Variants in FSTL5 observed in about 807,000 individuals in gnomAD.
The protein encoded by FSTL5 is follistatin like 5.
A neutral mutation model predicts 89.1 loss-of-function variants in FSTL5; 62 were observed. That is an observed-to-expected ratio of 0.70 (90% CI 0.57 to 0.86). The LOEUF (loss-of-function observed/expected upper bound fraction) is 0.86. FSTL5 is among the 40% of genes least tolerant of loss of function. The probability of loss-of-function intolerance (pLI) is 0.00; values close to 1 mark genes in which losing one functional copy is unlikely to be tolerated. For synonymous variants in FSTL5, 383 were observed against 346.2 expected, an observed-to-expected ratio of 1.11 and a Z score of -1.18; for missense variants, 1,057 against 1,001.6, an observed-to-expected ratio of 1.06 and a Z score of -0.75.
intron 15 of FSTL5, among the ~76,000 whole-genome samples, chr4:161,436,012 T>C (rs1732547437): frequency 6.6e-6 from 1 of 152,212 alleles, no homozygotes; most frequent in African/African-American, 2.4e-5. Flanking sequence ...TCCTCACATT[T>C]CTTGCCTTGA....
At chr4:161,672,703 AATT>A (rs1306974274) in intron 6 of FSTL5, among the ~76,000 whole-genome samples, 3 of 146,708 alleles carry the variant, frequency 2.0e-5, no homozygotes, top group African/African-American at 8.0e-5. Context: ...TTATCTAAGA[AATT>A]AAAAAAAAAA....
chr4:161,451,746 G>A (rs1394832292), intron 15 of FSTL5, among the ~76,000 whole-genome samples: 1 of 152,194 alleles, frequency 6.6e-6, no homozygotes, highest in Non-Finnish European at 1.5e-5. Context: ...TGCTGATAAT[G>A]TGTTGGAGGC....
At chr4:161,499,274 T>G (rs1730212273) in intron 12 of FSTL5, among the ~76,000 whole-genome samples, 1 of 152,258 alleles carries the variant, frequency 6.6e-6, no homozygotes, top group East Asian at 1.9e-4. Context: ...AGTTATAACT[T>G]AACCAAAATG....
intron 8 of FSTL5, among the ~76,000 whole-genome samples, chr4:161,584,741 G>T (rs574443601): frequency 6.6e-6 from 1 of 152,236 alleles, no homozygotes; most frequent in South Asian, 2.1e-4. Flanking sequence ...GAAATCTAGT[G>T]CTTAAATTAT....
chr4:161,549,167 A>G (rs1011365801), intron 8 of FSTL5, among the ~76,000 whole-genome samples: 1 of 151,862 alleles, frequency 6.6e-6, no homozygotes, highest in Non-Finnish European at 1.5e-5. Context: ...TGATTGAGAC[A>G]AATGAAGATT....
intron 3 of FSTL5, among the ~76,000 whole-genome samples, chr4:162,016,943 G>T (rs1291019290): frequency 6.6e-6 from 1 of 152,154 alleles, no homozygotes; most frequent in Non-Finnish European, 1.5e-5. Context: ...ATTGAAACAG[G>T]ATTTGTAAAT....
intron 7 of FSTL5, among the ~76,000 whole-genome samples, chr4:161,636,709 CGT>C (rs1735729733): frequency 1.4e-5 from 2 of 145,956 alleles, no homozygotes; most frequent in East Asian, 4.1e-4. Context: ...GAGAATATGC[CGT>C]GTTTGGTTTT....
chr4:162,015,718 A>G (rs972271101), intron 3 of FSTL5, among the ~76,000 whole-genome samples: 1 of 152,202 alleles, frequency 6.6e-6, no homozygotes, highest in Non-Finnish European at 1.5e-5. Context: ...CCAGGTTGGT[A>G]AAGCACTGCC....
intron 7 of FSTL5, among the ~76,000 whole-genome samples, chr4:161,640,403 T>A (rs1735911039): frequency 1.3e-5 from 2 of 152,166 alleles, no homozygotes; most frequent in South Asian, 4.1e-4. Context: ...CTCAAAGAAC[T>A]AAGGAAGATG....
intron 4 of FSTL5, among the ~76,000 whole-genome samples, chr4:161,818,770 T>C (rs947548636): frequency 1.3e-5 from 2 of 152,210 alleles, no homozygotes; most frequent in Non-Finnish European, 2.9e-5. Flanking sequence ...GAAACTTCCA[T>C]ACTGAAAAAA....
At position 161,567,204 on chromosome 4, in the gene FSTL5, A is replaced by G. The variant is rs746313131; in HGVS notation, c.1015+20251T>C. ...TGGAAGAAATAATCATAAATTACAC[A>G]CAATAAAGATCTGAGAAAGCATCTA... On this transcript the variant is annotated intron_variant, in intron 8 of 15. Transcript: ENST00000306100. Among the ~76,000 whole-genome samples, 95 of 152,142 alleles carry G rather than the reference A, an allele frequency of 6.2e-4. 1 individual carries two copies. Among genetic ancestry groups the G allele is most frequent in the Admixed American group, 9.2e-4 (14 of 15,242 alleles).
intron 3 of FSTL5, among the ~76,000 whole-genome samples, chr4:161,992,886 ATATATATATATGTGTG>A (rs1736162925): frequency 1.2e-4 from 2 of 16,508 alleles, no homozygotes; most frequent in African/African-American, 2.6e-4. Flanking sequence ...ATATATATAT[ATATATATATATGTGTG>A]TGTATATATA....
intron 8 of FSTL5, among the ~76,000 whole-genome samples, chr4:161,570,100 A>T (rs1411958592): frequency 6.6e-6 from 1 of 152,186 alleles, no homozygotes; most frequent in African/African-American, 2.4e-5. Flanking sequence ...TTTCAAAGAC[A>T]TTAATACAGG....
chr4:161,496,935 T>G (rs1430832180), intron 12 of FSTL5, among the ~76,000 whole-genome samples: 1 of 152,104 alleles, frequency 6.6e-6, no homozygotes, highest in Non-Finnish European at 1.5e-5. Flanking sequence ...TGATTCTGTT[T>G]TTCTGGATAA....
intron 2 of FSTL5, among the ~76,000 whole-genome samples, chr4:162,074,011 T>TA (rs1729734593): frequency 3.3e-5 from 5 of 151,812 alleles, no homozygotes; most frequent in African/African-American, 1.2e-4. Context: ...CCACTGTTCA[T>TA]AAAAACTCTT....
chr4:161,415,255 T>C (rs1210322312), intron 15 of FSTL5, among the ~76,000 whole-genome samples: 2 of 152,064 alleles, frequency 1.3e-5, no homozygotes, highest in African/African-American at 4.8e-5. Flanking sequence ...TCTTCACTTT[T>C]TTTTGGTTTT....
intron 4 of FSTL5, among the ~76,000 whole-genome samples, chr4:161,871,082 T>G (rs1489614381): frequency 6.6e-6 from 1 of 152,148 alleles, no homozygotes; most frequent in Non-Finnish European, 1.5e-5. Flanking sequence ...ATGCATTATA[T>G]GAATATCTGA....
intron 7 of FSTL5, among the ~76,000 whole-genome samples, chr4:161,643,900 A>C (rs1281900497): frequency 6.6e-6 from 1 of 152,186 alleles, no homozygotes; most frequent in Non-Finnish European, 1.5e-5. Flanking sequence ...CTGCAAATAT[A>C]AGAACCACCA....
Position 162,108,108 on chromosome 4 carries a change from T to C in FSTL5, c.126+3163A>G, listed in dbSNP as rs572789598. On this transcript the variant is annotated intron_variant, in intron 2 of 15. Transcript: ENST00000306100. ...ATTCCTACATATGATGTTCCATACA[T>C]GCTTGTTAAGTAAACACATGGGATA... Among the ~76,000 whole-genome samples the C allele has an allele frequency of 1.2e-4, 18 of 152,254 alleles. No individual in the cohort carries two copies. In the East Asian group the frequency reaches 1.4e-3, roughly 11 times the overall value.
Sources: allele counts gnomAD v4.1 joint callset (sites outside exome capture counted in the v4.1 genomes callset), GRCh38; gene constraint gnomAD v4.1.1; transcripts MANE v1.5; gene names NCBI Gene and HGNC (gene_info 2026-07-23, HGNC 2026-07-21).